Variants in VEPH1 observed in about 807,000 individuals in gnomAD.
VEPH1 encodes the protein ventricular zone expressed PH domain containing 1.
In VEPH1, 80 loss-of-function variants were observed where a neutral mutation model predicts 85.2. That is an observed-to-expected ratio of 0.94 (90% confidence interval 0.78 to 1.13). VEPH1 has a LOEUF of 1.13. Among genes scored for constraint, VEPH1 ranks in the 50% most tolerant of loss-of-function variants. The pLI is 0.00. For missense variants in VEPH1, 955 were observed against 980.5 expected (o/e 0.97, Z 0.35); for synonymous variants, 297 against 348.0 (o/e 0.85, Z 1.63).
chr3:157,381,297 A>C lies in VEPH1; in HGVS notation c.986T>G (p.Leu329Arg). 6.2e-7 allele frequency: 1 copy of C among 1,614,180 alleles called. No homozygotes were observed. The highest frequency in any genetic ancestry group is 8.5e-7 in the Non-Finnish European group (1 of 1,180,030). ...GGTGTCGGTGATGCTTTTAATCTCCAGCAGGAGAATATGGTGAAACGAATG... is the reference window on the plus strand; with the variant it reads ...GGTGTCGGTGATGCTTTTAATCTCCCGCAGGAGAATATGGTGAAACGAATG... ...MEHSFHHILL[L>R]EIKSITDTFS... The change falls in exon 7 of 14, where the codon CTG becomes CGG. Residue 329 changes from leucine (L) to arginine (R), a missense_variant. Leu to Arg is a moderately radical substitution (Grantham distance 102, BLOSUM62 -2). Coordinates refer to ENST00000362010, the MANE Select transcript of VEPH1 (RefSeq NM_001167912.2).
At chr3:157,342,222 C>A (rs1421844226) in intron 9 of VEPH1, among the ~76,000 whole-genome samples, 1 of 152,144 alleles carries the variant, frequency 6.6e-6, no homozygotes, top group Non-Finnish European at 1.5e-5. Context: ...TTAAAAGACA[C>A]AGACTGGCAA....
intron 4 of VEPH1, chr3:157,442,365 G>C: frequency 6.2e-7 from 1 of 1,601,324 alleles, no homozygotes; most frequent in Non-Finnish European, 8.6e-7. Context: ...TGCTACTCTA[G>C]GTTGTGAAAC....
intron 11 of VEPH1, among the ~76,000 whole-genome samples, chr3:157,287,465 G>T (rs1169236204): frequency 6.6e-6 from 1 of 152,074 alleles, no homozygotes; most frequent in Non-Finnish European, 1.5e-5. Flanking sequence ...CTCAGCCCTT[G>T]GCTCCAGGAC....
At chr3:157,429,307 A>T (rs866981079) in intron 4 of VEPH1, among the ~76,000 whole-genome samples, 4 of 152,128 alleles carry the variant, frequency 2.6e-5, no homozygotes, top group Non-Finnish European at 2.9e-5. Flanking sequence ...TTTTACTTTA[A>T]ATTTGGCTTT....
At chr3:157,314,959 TAAG>T (rs1447980478) in intron 10 of VEPH1, among the ~76,000 whole-genome samples, 2 of 152,092 alleles carry the variant, frequency 1.3e-5, no homozygotes, top group Non-Finnish European at 2.9e-5. Flanking sequence ...CCTATAAATG[TAAG>T]AAGCTTTTCA....
intron 9 of VEPH1, among the ~76,000 whole-genome samples, chr3:157,329,528 G>A (rs999916289): frequency 2.0e-5 from 3 of 152,022 alleles, no homozygotes; most frequent in Non-Finnish European, 2.9e-5. Context: ...CTTCTTTCAA[G>A]TTGTCTTCAT....
intron 2 of VEPH1, among the ~76,000 whole-genome samples, chr3:157,487,733 G>A (rs1247381666): frequency 6.6e-6 from 1 of 151,938 alleles, no homozygotes. Flanking sequence ...TTTGCTCCAG[G>A]AATACAATAA....
rs77177291 is a variant in VEPH1 at position 157,266,490 on chromosome 3, A to G, written c.2129-828T>C. ...GGATTATCATTTGTAGATAGATATTAGTGCTTATCTGATTAATATCTTTCT... is the reference window on the plus strand; with the variant it reads ...GGATTATCATTTGTAGATAGATATTGGTGCTTATCTGATTAATATCTTTCT... On this transcript the variant is annotated intron_variant, in intron 12 of 13. Transcript: ENST00000362010. 5.0e-3 allele frequency among the ~76,000 whole-genome samples: 762 copies of G among 152,284 alleles called. 5 individuals are homozygous for G. Among genetic ancestry groups the G allele is most frequent in the Middle Eastern group, 0.017 (5 of 294 alleles).
chr3:157,501,741 T>C (rs553709098), intron 1 of VEPH1, among the ~76,000 whole-genome samples: 2 of 152,336 alleles, frequency 1.3e-5, no homozygotes, highest in Admixed American at 6.5e-5. Context: ...ATTCAGCCTC[T>C]AGCTTGCAAC....
chr3:157,481,821 A>G (rs1307440317), intron 2 of VEPH1, among the ~76,000 whole-genome samples: 1 of 152,180 alleles, frequency 6.6e-6, no homozygotes, highest in Non-Finnish European at 1.5e-5. Context: ...TCTTCTGCAT[A>G]TGGCTAGTCA....
intron 9 of VEPH1, among the ~76,000 whole-genome samples, chr3:157,335,035 AT>A (rs1185486034): frequency 6.6e-6 from 1 of 152,204 alleles, no homozygotes; most frequent in Non-Finnish European, 1.5e-5. Context: ...CCAGGATTAA[AT>A]AAAATAATTT....
intron 13 of VEPH1, among the ~76,000 whole-genome samples, chr3:157,263,582 T>G (rs971004260): frequency 6.6e-6 from 1 of 152,170 alleles, no homozygotes; most frequent in African/African-American, 2.4e-5. Context: ...TAAAAAAATT[T>G]CTTTAAGTTT....
chr3:157,327,547 G>A (rs1334522500), intron 9 of VEPH1, among the ~76,000 whole-genome samples: 2 of 152,096 alleles, frequency 1.3e-5, no homozygotes, highest in South Asian at 2.1e-4. Flanking sequence ...TGAAGAAGAC[G>A]ACTCAGGTGG....
At chr3:157,479,704 G>A (rs767211437) in intron 2 of VEPH1, among the ~76,000 whole-genome samples, 6 of 152,136 alleles carry the variant, frequency 3.9e-5, no homozygotes, top group African/African-American at 1.2e-4. Flanking sequence ...CTAAGGGCTC[G>A]GCTCTGCTTT....
chr3:157,478,329 T>C (rs1183874554), intron 2 of VEPH1, among the ~76,000 whole-genome samples: 1 of 152,188 alleles, frequency 6.6e-6, no homozygotes, highest in Non-Finnish European at 1.5e-5. Context: ...CTGCTTCATC[T>C]ACCCCCTAAC....
intron 6 of VEPH1, among the ~76,000 whole-genome samples, chr3:157,394,302 AG>A (rs1290509464): frequency 6.6e-6 from 1 of 152,244 alleles, no homozygotes; most frequent in Non-Finnish European, 1.5e-5. Context: ...TATTTGTCTG[AG>A]AAGGCAAGTG....
At chr3:157,491,818 T>C (rs1265099942) in intron 2 of VEPH1, among the ~76,000 whole-genome samples, 4 of 152,210 alleles carry the variant, frequency 2.6e-5, no homozygotes, top group African/African-American at 9.6e-5. Context: ...TTACAAGTCT[T>C]GATTCAACCT....
chr3:157,458,016 C>A (rs1235127468), intron 4 of VEPH1, among the ~76,000 whole-genome samples: 2 of 152,096 alleles, frequency 1.3e-5, no homozygotes, highest in African/African-American at 2.4e-5. Flanking sequence ...GATTGGTAGA[C>A]TATTTATTAC....
chr3:157,446,146 T>C (rs546237696), intron 4 of VEPH1, among the ~76,000 whole-genome samples: 75 of 152,036 alleles, frequency 4.9e-4, no homozygotes, highest in African/African-American at 1.3e-3. Context: ...ACTCAAGCTA[T>C]TAGGAGGAAA....
Sources: allele counts gnomAD v4.1 joint callset (sites outside exome capture counted in the v4.1 genomes callset), GRCh38; gene constraint gnomAD v4.1.1; transcripts MANE v1.5; gene names NCBI Gene and HGNC (gene_info 2026-07-23, HGNC 2026-07-21).